Variants in LZTFL1 observed in about 807,000 individuals in gnomAD.
The protein encoded by LZTFL1 is leucine zipper transcription factor-like protein 1.
In LZTFL1, 25 loss-of-function variants were observed where a neutral mutation model predicts 45.9. That is an observed-to-expected ratio of 0.54 (90% confidence interval 0.40 to 0.76). The LOEUF (loss-of-function observed/expected upper bound fraction) is 0.76. Ranked by LOEUF, LZTFL1 falls within the 30% of genes least tolerant of loss-of-function variation. The probability of loss-of-function intolerance (pLI) is 0.00; values close to 1 mark genes in which losing one functional copy is unlikely to be tolerated. For missense variants in LZTFL1, 277 were observed against 331.1 expected (o/e 0.84, Z 1.27); for synonymous variants, 93 against 117.4 (o/e 0.79, Z 1.35).
intron 4 of LZTFL1, among the ~76,000 whole-genome samples, chr3:45,833,578 C>A (rs1700888073): frequency 6.6e-6 from 1 of 151,960 alleles, no homozygotes; most frequent in Non-Finnish European, 1.5e-5. Flanking sequence ...AATAACTTGG[C>A]ACAAATAATA....
chr3:45,851,509 G>A (rs1701309785), intron 4 of LZTFL1, among the ~76,000 whole-genome samples: 1 of 151,950 alleles, frequency 6.6e-6, no homozygotes, highest in Non-Finnish European at 1.5e-5. Flanking sequence ...AGAAGAGTGA[G>A]CCACCGTGCC....
At chr3:45,893,046 C>T (rs141863279) in intron 2 of LZTFL1, among the ~76,000 whole-genome samples, 37 of 152,274 alleles carry the variant, frequency 2.4e-4, no homozygotes, top group African/African-American at 8.2e-4. Flanking sequence ...TACACCCTTG[C>T]GAAGCTCTCA....
chr3:45,883,947 G>C (rs1204220448), intron 2 of LZTFL1: 1 of 392,608 alleles, frequency 2.5e-6, no homozygotes, highest in African/African-American at 2.1e-5. Context: ...GAACCAGAAA[G>C]GTGGCTCAGT....
intron 2 of LZTFL1, chr3:45,883,825 A>G: frequency 3.8e-6 from 2 of 526,570 alleles, no homozygotes; most frequent in Non-Finnish European, 7.1e-6. Flanking sequence ...TGAGAGTTGC[A>G]GCCACGGAGT....
intron 7 of LZTFL1, among the ~76,000 whole-genome samples, chr3:45,830,656 T>C (rs969817724): frequency 3.3e-5 from 5 of 152,070 alleles, no homozygotes; most frequent in Middle Eastern, 3.2e-3. Flanking sequence ...AATGTGAGAA[T>C]ATCTTGCATG....
intron 3 of LZTFL1, chr3:45,835,021 C>T (rs770436333): frequency 3.3e-5 from 5 of 152,918 alleles, no homozygotes; most frequent in African/African-American, 1.2e-4. Context: ...GGCGGTCAGT[C>T]CTTCCTGATT....
chr3:45,852,008 C>G (rs1036762986), intron 4 of LZTFL1, among the ~76,000 whole-genome samples: 2 of 152,194 alleles, frequency 1.3e-5, no homozygotes, highest in African/African-American at 2.4e-5. Flanking sequence ...TCTCCTAAAG[C>G]ATTCCTAGTC....
intron 2 of LZTFL1, among the ~76,000 whole-genome samples, chr3:45,836,950 T>G (rs1700981888): frequency 6.6e-6 from 1 of 152,148 alleles, no homozygotes; most frequent in Non-Finnish European, 1.5e-5. Context: ...TCTCCCTACC[T>G]CTACCCTCCA....
intron 2 of LZTFL1, among the ~76,000 whole-genome samples, chr3:45,868,063 CCTT>C (rs1371261426): frequency 6.8e-6 from 1 of 147,702 alleles, no homozygotes; most frequent in Non-Finnish European, 1.5e-5. Context: ...GCCCTTGAAT[CCTT>C]CTCATCACCA....
chr3:45,893,378 C>T lies in LZTFL1; in HGVS notation c.-215+19742G>A, dbSNP rs566196420. On this transcript the variant is annotated intron_variant, in intron 2 of 4. Coordinates refer to the LZTFL1 transcript ENST00000472635. ...CCATGTTGGCCAGACTGGTCTCGAA[C>T]TCCCAACCTCAGGTGATCTACCCAC... is the stretch of plus-strand genomic sequence containing the variant. Among the ~76,000 whole-genome samples, 138 of 152,282 alleles carry T rather than the reference C, an allele frequency of 9.1e-4. 1 individual carries two copies. Among genetic ancestry groups the T allele is most frequent in the African/African-American group, 3.3e-3 (136 of 41,550 alleles).
At chr3:45,860,219 T>C (rs949392854) in intron 2 of LZTFL1, among the ~76,000 whole-genome samples, 1 of 151,946 alleles carries the variant, frequency 6.6e-6, no homozygotes, top group African/African-American at 2.4e-5. Context: ...CTCAAATAAA[T>C]AAATAAATAA....
At chr3:45,866,872 G>A (rs1013446920) in intron 2 of LZTFL1, among the ~76,000 whole-genome samples, 1 of 152,208 alleles carries the variant, frequency 6.6e-6, no homozygotes, top group Non-Finnish European at 1.5e-5. Context: ...TTGCGGCCAG[G>A]TGAAGTGGCT....
At chr3:45,868,727 C>A (rs1701619158) in intron 2 of LZTFL1, among the ~76,000 whole-genome samples, 1 of 152,150 alleles carries the variant, frequency 6.6e-6, no homozygotes, top group Non-Finnish European at 1.5e-5. Flanking sequence ...ATCATAATAA[C>A]AGCCGATATT....
intron 9 of LZTFL1, 55 bp from the exon 10 acceptor site, chr3:45,826,387 C>T (rs1315597942): frequency 7.0e-7 from 1 of 1,426,238 alleles, no homozygotes. Context: ...GTTGTTATTA[C>T]CAAATAAGTT....
At position 45,833,141 on chromosome 3, in the gene LZTFL1, C is replaced by G; in HGVS notation, c.385-20G>C. ...GATGGGCTGAAACAAAATAAAGAAA[C>G]CAAACTGAAATCACCACAGAATAAA... is the stretch of plus-strand genomic sequence containing the variant. On this transcript the variant is annotated intron_variant, in intron 4 of 9. Coordinates refer to ENST00000296135, the MANE Select transcript of LZTFL1 (RefSeq NM_020347.4). The G allele has an allele frequency of 6.3e-7, 1 of 1,575,088 alleles. No homozygotes were observed. Among genetic ancestry groups the G allele is most frequent in the Non-Finnish European group, 8.7e-7 (1 of 1,144,856 alleles).
At chr3:45,854,970 G>T in intron 4 of LZTFL1, 1 of 1,506,316 alleles carries the variant, frequency 6.6e-7, no homozygotes, top group Non-Finnish European at 8.9e-7. Flanking sequence ...TATGTCAGAT[G>T]CGCTTGTCAA....
rs756317117 is a variant in LZTFL1 at position 45,831,152 on chromosome 3, T to C, written c.457-14A>G. Reference sequence around the variant, plus strand: ...TCTTAAAATTTCCTTTGTGAGTAAATTCAAATTTTATTATATTAACCAAAA... The same window carrying C: ...TCTTAAAATTTCCTTTGTGAGTAAACTCAAATTTTATTATATTAACCAAAA... On this transcript the variant is annotated splice_polypyrimidine_tract_variant and intron_variant, in intron 5 of 9. Coordinates refer to ENST00000296135, the MANE Select transcript of LZTFL1 (RefSeq NM_020347.4). 2 of 1,480,906 alleles carry C rather than the reference T, an allele frequency of 1.4e-6. No individual in the cohort carries two copies. Among genetic ancestry groups the C allele is most frequent in the Non-Finnish European group, 1.8e-6 (2 of 1,089,904 alleles). The allele number at this position is 1,480,906 out of a possible 1,614,324, so 91.7% of individuals were successfully genotyped here. A position where few individuals can be genotyped will look rare whatever the true frequency, so the allele number is the denominator to read the frequency against.
Position 45,824,704 on chromosome 3 carries a change from G to A in LZTFL1, c.*1610C>T. 2.5e-6 allele frequency: 1 copy of A among 397,200 alleles called. No homozygotes were observed. The highest frequency in any genetic ancestry group is 4.4e-6 in the Non-Finnish European group (1 of 225,188). 24.6% of individuals were successfully genotyped at this position (397,200 alleles called of 1,614,324 possible). A position where few individuals can be genotyped will look rare whatever the true frequency, so the allele number is the denominator to read the frequency against. ...TGAATGGTTTCTGAAGGCCACACTAGCCCTTTAGCCAAGAGTTCTGCTTCT... is the reference window on the plus strand; with the variant it reads ...TGAATGGTTTCTGAAGGCCACACTAACCCTTTAGCCAAGAGTTCTGCTTCT... On this transcript the variant is annotated 3_prime_UTR_variant, in exon 10 of 10. Coordinates refer to ENST00000296135, the MANE Select transcript of LZTFL1 (RefSeq NM_020347.4).
rs1295055385 is a variant in LZTFL1, at chr3:45,901,636, C to T, written c.-215+11484G>A. On this transcript the variant is annotated intron_variant, in intron 2 of 4. Coordinates refer to the LZTFL1 transcript ENST00000472635. This position sits in a 1 kb window ranked among gnomAD's most constrained non-coding sequence, Gnocchi z 4.3. ...TTGGTGCAGACCATTGACGCCTATG[C>T]CATGTTCATCTCCAACTGTGCCGTT... 1 of 1,614,172 alleles carries T rather than the reference C, an allele frequency of 6.2e-7. No homozygotes were observed. The highest frequency in any genetic ancestry group is 1.3e-5 in the African/African-American group (1 of 75,062).
Sources: allele counts gnomAD v4.1 joint callset (sites outside exome capture counted in the v4.1 genomes callset), GRCh38; gene constraint gnomAD v4.1.1; non-coding constraint Gnocchi (gnomAD v3.1); transcripts MANE v1.5; gene names NCBI Gene and HGNC (gene_info 2026-07-23, HGNC 2026-07-21).